ADARB2: variants seen among roughly 807,000 people sequenced by gnomAD.
The protein encoded by ADARB2 is adenosine deaminase RNA specific B2 (inactive).
Under a neutral mutation model 62.2 loss-of-function variants are expected in ADARB2, and 25 were observed. That is an observed-to-expected ratio of 0.40 (90% CI 0.29 to 0.56). The LOEUF is 0.56. ADARB2 is among the 20% of genes least tolerant of loss of function. The pLI is 0.43. For synonymous variants in ADARB2, 572 were observed against 500.8 expected, an observed-to-expected ratio of 1.14 and a Z score of -1.90; for missense variants, 1,071 against 1,077.4, an observed-to-expected ratio of 0.99 and a Z score of 0.08.
At chr10:1,575,642 C>T (rs980692823) in intron 1 of ADARB2, among the ~76,000 whole-genome samples, 7 of 152,210 alleles carry the variant, frequency 4.6e-5, no homozygotes, top group African/African-American at 1.4e-4. Context: ...CCTCAGCCTC[C>T]TCCCCACCTG....
intron 3 of ADARB2, among the ~76,000 whole-genome samples, chr10:1,330,703 C>T (rs922540494): frequency 9.9e-5 from 15 of 152,088 alleles, no homozygotes; most frequent in African/African-American, 3.6e-4. Context: ...GATTCATTAG[C>T]TAGGACACCA....
At chr10:1,565,263 C>T (rs1257410223) in intron 1 of ADARB2, among the ~76,000 whole-genome samples, 1 of 152,180 alleles carries the variant, frequency 6.6e-6, no homozygotes, top group Admixed American at 6.5e-5. Context: ...ATACAAAAGA[C>T]ACAAGAAACC....
At chr10:1,706,466 C>A (rs1834891168) in intron 1 of ADARB2, among the ~76,000 whole-genome samples, 6 of 152,188 alleles carry the variant, frequency 3.9e-5, no homozygotes, top group Admixed American at 3.9e-4. Flanking sequence ...AGGCCAGCCA[C>A]AGGTATTTAC....
At chr10:1,499,382 A>AC (rs1831734870) in intron 1 of ADARB2, among the ~76,000 whole-genome samples, 1 of 151,504 alleles carries the variant, frequency 6.6e-6, no homozygotes, top group Admixed American at 6.6e-5. Flanking sequence ...CTTATTACTT[A>AC]CCCATGTATC....
At chr10:1,674,740 A>C (rs1834439765) in intron 1 of ADARB2, among the ~76,000 whole-genome samples, 1 of 152,218 alleles carries the variant, frequency 6.6e-6, no homozygotes, top group African/African-American at 2.4e-5. Flanking sequence ...AAAAGTGGCG[A>C]AAATCATCAT....
intron 1 of ADARB2, among the ~76,000 whole-genome samples, chr10:1,519,756 T>C (rs990791471): frequency 6.6e-6 from 1 of 152,198 alleles, no homozygotes; most frequent in African/African-American, 2.4e-5. Flanking sequence ...TGAGGGTTTT[T>C]CACCCTGCAT....
rs376806444 is a variant in ADARB2 at position 1,548,643 on chromosome 10, G to A, written c.101-169483C>T. 3.3e-5 allele frequency among the ~76,000 whole-genome samples: 5 copies of A among 152,374 alleles called. No homozygotes were observed. The South Asian group carries it at 6.2e-4, about 19-fold the overall frequency. On this transcript the variant is annotated intron_variant, in intron 1 of 9. Coordinates refer to ENST00000381312, the MANE Select transcript of ADARB2 (RefSeq NM_018702.4). ...GTGGGTTGCAGTTGAAGCCACAGATGTGAATTGCCGTCCAGTAAGTGTAGG... is the reference window on the plus strand; with the variant it reads ...GTGGGTTGCAGTTGAAGCCACAGATATGAATTGCCGTCCAGTAAGTGTAGG...
At chr10:1,657,397 T>C (rs528887166) in intron 1 of ADARB2, among the ~76,000 whole-genome samples, 2 of 152,308 alleles carry the variant, frequency 1.3e-5, no homozygotes, top group Admixed American at 6.5e-5. Context: ...TATTTTTTTA[T>C]GTTTAAAATT....
intron 1 of ADARB2, among the ~76,000 whole-genome samples, chr10:1,664,570 A>G (rs1419859382): frequency 2.0e-5 from 3 of 152,210 alleles, no homozygotes; most frequent in Non-Finnish European, 2.9e-5. Flanking sequence ...GGTAAGAAGA[A>G]TTGCTGTTTA....
intron 1 of ADARB2, among the ~76,000 whole-genome samples, chr10:1,659,940 C>G (rs1449954992): frequency 1.3e-5 from 2 of 149,864 alleles, no homozygotes; most frequent in Non-Finnish European, 3.0e-5. Context: ...ATTGCCTGCC[C>G]TGCCTGGGCG....
intron 3 of ADARB2, among the ~76,000 whole-genome samples, chr10:1,328,116 C>G (rs1416359170): frequency 6.6e-6 from 1 of 152,236 alleles, no homozygotes; most frequent in Non-Finnish European, 1.5e-5. Flanking sequence ...TGAAGCAGCT[C>G]AGCAGGCGTG....
At chr10:1,522,158 G>A (rs1832081366) in intron 1 of ADARB2, among the ~76,000 whole-genome samples, 1 of 152,174 alleles carries the variant, frequency 6.6e-6, no homozygotes, top group South Asian at 2.1e-4. Context: ...TTAGTGTTGA[G>A]ACCCTGCCTT....
chr10:1,199,876 A>G, intron 8 of ADARB2, 90 bp downstream of exon 8: 1 of 1,324,972 alleles, frequency 7.5e-7, no homozygotes, highest in East Asian at 2.6e-5. Flanking sequence ...AACATGGATG[A>G]AGTCTGCGAG....
At chr10:1,659,530 C>A (rs367731753) in intron 1 of ADARB2, among the ~76,000 whole-genome samples, 2 of 152,354 alleles carry the variant, frequency 1.3e-5, no homozygotes, top group African/African-American at 4.8e-5. Context: ...ACTGCCGGCC[C>A]CGGTCACTTT....
intron 1 of ADARB2, among the ~76,000 whole-genome samples, chr10:1,454,996 C>T (rs1172521990): frequency 1.3e-5 from 2 of 152,168 alleles, no homozygotes; most frequent in African/African-American, 4.8e-5. Context: ...AGTTTAGTCA[C>T]GTTGTAGAAA....
At chr10:1,532,378 G>A (rs11250594) in intron 1 of ADARB2, among the ~76,000 whole-genome samples, 49,085 of 152,020 alleles carry the variant, frequency 0.32, 9,112 homozygotes, top group East Asian at 0.74. Flanking sequence ...ACTTTCCCCC[G>A]TGATCTCCCG....
chr10:1,633,154 G>T (rs184784829), intron 1 of ADARB2, among the ~76,000 whole-genome samples: 22 of 152,254 alleles, frequency 1.4e-4, no homozygotes, highest in East Asian at 7.7e-4. Context: ...CTACACTGTT[G>T]GCTCCCCTGG....
At chr10:1,404,446 G>A (rs552078788) in intron 1 of ADARB2, among the ~76,000 whole-genome samples, 1 of 152,338 alleles carries the variant, frequency 6.6e-6, no homozygotes, top group East Asian at 1.9e-4. Flanking sequence ...TCCAGCAGAC[G>A]CCAGGGAGAC....
chr10:1,217,650 T>A (rs34254114), intron 6 of ADARB2, among the ~76,000 whole-genome samples: 1 of 152,090 alleles, frequency 6.6e-6, no homozygotes, highest in African/African-American at 2.4e-5. Flanking sequence ...CCCGGCTCCA[T>A]GGTAAGCTGG....
Sources: allele counts gnomAD v4.1 joint callset (sites outside exome capture counted in the v4.1 genomes callset), GRCh38; gene constraint gnomAD v4.1.1; transcripts MANE v1.5; gene names NCBI Gene and HGNC (gene_info 2026-07-23, HGNC 2026-07-21).